Variants in CRYBG3 observed in about 807,000 individuals in gnomAD.
The protein encoded by CRYBG3 is crystallin beta-gamma domain containing 3.
Under a neutral mutation model 244.2 loss-of-function variants are expected in CRYBG3, and 127 were observed. The observed-to-expected ratio is 0.52, with a 90% confidence interval of 0.45 to 0.60. The LOEUF (loss-of-function observed/expected upper bound fraction) is 0.60, where lower values mean the gene tolerates loss of function less well. CRYBG3 is among the 20% of genes least tolerant of loss of function. The pLI, the probability that CRYBG3 is intolerant of heterozygous loss-of-function variation, is 0.00. For synonymous variants in CRYBG3, 1,132 were observed against 1,195.8 expected (o/e 0.95, Z 1.10); for missense variants, 3,325 against 3,442.5 (o/e 0.97, Z 0.85).
intron 10 of CRYBG3, among the ~76,000 whole-genome samples, chr3:97,891,078 A>G (rs2039570249): frequency 6.6e-6 from 1 of 152,094 alleles, no homozygotes; most frequent in Non-Finnish European, 1.5e-5. Flanking sequence ...TTTCTTCTCA[A>G]TGAATAGTAG....
At chr3:97,839,936 G>A (rs753875908) in intron 1 of CRYBG3, among the ~76,000 whole-genome samples, 3 of 151,958 alleles carry the variant, frequency 2.0e-5, no homozygotes, top group Non-Finnish European at 4.4e-5. Flanking sequence ...GAGTGCGTTC[G>A]TGGTGCCAGG....
chr3:97,943,212 A>C lies in CRYBG3; in HGVS notation c.8825-14A>C. The C allele has an allele frequency of 6.8e-7, 1 of 1,467,556 alleles. No homozygotes were observed. Among genetic ancestry groups the C allele is most frequent in the Non-Finnish European group, 9.4e-7 (1 of 1,058,760 alleles). The allele number at this position is 1,467,556 out of a possible 1,614,324, so 90.9% of individuals were successfully genotyped here. ...CTGAACAAATAATCTTTTCTTTTGG[A>C]ATTTCTATTTTAGGAGGAAATTATT... On this transcript the variant is annotated splice_polypyrimidine_tract_variant and intron_variant, in intron 21 of 21. Coordinates refer to ENST00000389622, the MANE Select transcript of CRYBG3 (RefSeq NM_153605.4).
rs1227647699 is a variant in CRYBG3 at position 97,912,142 on chromosome 3, A to T, written c.8005-25A>T. The T allele has an allele frequency of 3.1e-6, 4 of 1,285,838 alleles. No homozygotes were observed. The Admixed American group carries it at 6.7e-5, about 21-fold the overall frequency. 79.7% of individuals were successfully genotyped at this position (1,285,838 alleles called of 1,614,324 possible). A position where few individuals can be genotyped will look rare whatever the true frequency, so the allele number is the denominator to read the frequency against. The stretch of plus-strand genomic sequence containing the variant: ...ATCTAAGACCATTTTTTTTCTATTT[A>T]ACTGTTGTGTTGTTGTTCTTGTAGC... On this transcript the variant is annotated intron_variant, in intron 15 of 21. Transcript: ENST00000389622.
intron 1 of CRYBG3, among the ~76,000 whole-genome samples, chr3:97,837,994 C>G (rs1424708120): frequency 6.6e-6 from 1 of 152,100 alleles, no homozygotes; most frequent in East Asian, 1.9e-4. Flanking sequence ...CCCCTCTCCA[C>G]TGAGTGTACC....
intron 1 of CRYBG3, among the ~76,000 whole-genome samples, chr3:97,833,344 A>C (rs549283386): frequency 6.6e-6 from 1 of 152,374 alleles, no homozygotes; most frequent in South Asian, 2.1e-4. Context: ...CTGGATAAAG[A>C]AAATGTGGCA....
chr3:97,836,265 C>T (rs982461205), intron 1 of CRYBG3, among the ~76,000 whole-genome samples: 3 of 152,020 alleles, frequency 2.0e-5, no homozygotes, highest in Non-Finnish European at 4.4e-5. Flanking sequence ...CATTCAACTG[C>T]CAGATGTTTG....
chr3:97,835,889 G>A (rs543622648), intron 1 of CRYBG3, among the ~76,000 whole-genome samples: 1 of 152,104 alleles, frequency 6.6e-6, no homozygotes, highest in African/African-American at 2.4e-5. Flanking sequence ...GGGATTCAGG[G>A]TATTGAATCT....
At chr3:97,859,589 C>T (rs1220856205) in intron 2 of CRYBG3, among the ~76,000 whole-genome samples, 1 of 152,134 alleles carries the variant, frequency 6.6e-6, no homozygotes, top group African/African-American at 2.4e-5. Context: ...TACATTGAAC[C>T]TAACTGCTTT....
intron 14 of CRYBG3, among the ~76,000 whole-genome samples, chr3:97,899,637 C>A (rs1354700307): frequency 2.0e-5 from 3 of 152,146 alleles, no homozygotes; most frequent in African/African-American, 7.2e-5. Context: ...AGTGTGTAGG[C>A]AGTGCAGGGG....
intron 1 of CRYBG3, among the ~76,000 whole-genome samples, chr3:97,833,263 C>G (rs1559712145): frequency 6.6e-6 from 1 of 152,064 alleles, no homozygotes; most frequent in African/African-American, 2.4e-5. Context: ...CACATGCACA[C>G]GTATGTTTAT....
In CRYBG3 at chr3:97,877,296, GC is replaced by G. The variant is rs775876846; in HGVS notation, c.6104del (p.Pro2035LeufsTer24). ...TTCATGATACGTCCGCTGACAGCAT[GC>G]CTGTTCTGGCATGTGAAAGGTCTGA... ...LFHDTSADSM[P>X]VLACERSESR... On this transcript the variant is annotated frameshift_variant, in exon 4 of 22. Coordinates refer to ENST00000389622, the MANE Select transcript of CRYBG3 (RefSeq NM_153605.4). LOFTEE classifies it high-confidence loss of function. The G allele has an allele frequency of 1.2e-6, 2 of 1,614,090 alleles. No individual in the cohort carries two copies. Among genetic ancestry groups the G allele is most frequent in the South Asian group, 2.2e-5 (2 of 91,076 alleles).
At chr3:97,918,348 T>G (rs1029345210) in intron 17 of CRYBG3, among the ~76,000 whole-genome samples, 1 of 152,246 alleles carries the variant, frequency 6.6e-6, no homozygotes, top group Non-Finnish European at 1.5e-5. Flanking sequence ...ACACATAGTT[T>G]GCAGTGTTGC....
intron 2 of CRYBG3, among the ~76,000 whole-genome samples, chr3:97,852,509 A>T (rs944003484): frequency 6.6e-6 from 1 of 152,164 alleles, no homozygotes. Context: ...GAAAAGAAAC[A>T]GGGAGGGTTG....
chr3:97,851,834 A>T (rs2038990739), intron 2 of CRYBG3, among the ~76,000 whole-genome samples: 2 of 152,226 alleles, frequency 1.3e-5, no homozygotes, highest in South Asian at 2.1e-4. Flanking sequence ...CTTCTAGAAG[A>T]TTGCTGTGGT....
chr3:97,880,737 G>T (rs1336878612), intron 6 of CRYBG3, among the ~76,000 whole-genome samples: 1 of 152,120 alleles, frequency 6.6e-6, no homozygotes, highest in Non-Finnish European at 1.5e-5. Flanking sequence ...GTATAATTTG[G>T]AATTGTTGCA....
intron 11 of CRYBG3, among the ~76,000 whole-genome samples, chr3:97,895,403 G>A (rs187705204): frequency 6.6e-6 from 1 of 152,174 alleles, no homozygotes; most frequent in East Asian, 1.9e-4. Flanking sequence ...TTGTATACAT[G>A]TAGGGCCCTG....
intron 5 of CRYBG3, 41 bp from the exon 6 acceptor site, chr3:97,879,944 T>A (rs927081884): frequency 5.6e-6 from 6 of 1,081,044 alleles, no homozygotes; most frequent in Non-Finnish European, 8.4e-6. Context: ...ATTCTAAAAA[T>A]TAGTTATTGT....
At position 97,845,462 on chromosome 3, in the gene CRYBG3, A is replaced by G. The variant is rs541784373; in HGVS notation, c.216+2201A>G. ...GCGGCTACTTCTAACATTTACATCT[A>G]TTTTTCTACTGGAATATGTATTTTA... On this transcript the variant is annotated intron_variant, in intron 2 of 21. Coordinates refer to ENST00000389622, the MANE Select transcript of CRYBG3 (RefSeq NM_153605.4). 5.3e-5 allele frequency among the ~76,000 whole-genome samples: 8 copies of G among 152,222 alleles called. No individual in the cohort carries two copies. The South Asian group carries it at 1.2e-3, about 24-fold the overall frequency.
intron 17 of CRYBG3, among the ~76,000 whole-genome samples, chr3:97,930,991 C>T (rs2040091357): frequency 6.6e-6 from 1 of 151,982 alleles, no homozygotes. Flanking sequence ...GATTGTACCT[C>T]TCCCTCCTTC....
Sources: allele counts gnomAD v4.1 joint callset (sites outside exome capture counted in the v4.1 genomes callset), GRCh38; gene constraint gnomAD v4.1.1; transcripts MANE v1.5; gene names NCBI Gene and HGNC (gene_info 2026-07-23, HGNC 2026-07-21).